Variants in DOCK8 observed in about 807,000 individuals in gnomAD.
The protein encoded by DOCK8 is dedicator of cytokinesis protein 8.
In DOCK8, 141 loss-of-function variants were observed where a neutral mutation model predicts 245.6. The observed-to-expected ratio is 0.57, with a 90% CI of 0.50 to 0.66. DOCK8 has a LOEUF of 0.66. DOCK8 is among the 30% of genes least tolerant of loss of function. DOCK8 has a pLI of 0.00. For synonymous variants in DOCK8, 1,168 were observed against 970.2 expected, an observed-to-expected ratio of 1.20 and a Z score of -3.79; for missense variants, 2,965 against 2,603.4, an observed-to-expected ratio of 1.14 and a Z score of -3.02.
intron 18 of DOCK8, 36 bp downstream of exon 18, chr9:372,322 C>G (rs759980385): frequency 1.3e-6 from 2 of 1,545,166 alleles, no homozygotes; most frequent in Non-Finnish European, 1.8e-6. Flanking sequence ...GTTTCTTGTC[C>G]AGCTGTAGTC....
intron 18 of DOCK8, among the ~76,000 whole-genome samples, chr9:374,536 A>ACTGTAAT (rs1426387078): frequency 1.5e-5 from 2 of 135,916 alleles, no homozygotes; most frequent in African/African-American, 2.8e-5. Context: ...ATCACAGCTC[A>ACTGTAAT]CTGTAATCTT....
chr9:222,395 A>G (rs891947831), intron 1 of DOCK8, among the ~76,000 whole-genome samples: 22 of 152,202 alleles, frequency 1.4e-4, no homozygotes, highest in African/African-American at 5.1e-4. Flanking sequence ...TTCTAACAGT[A>G]TAATTGGTCA....
intron 23 of DOCK8, 96 bp from the exon 24 acceptor site, chr9:390,375 G>A: frequency 8.9e-7 from 1 of 1,124,818 alleles, no homozygotes; most frequent in Non-Finnish European, 1.3e-6. Flanking sequence ...GAACGAACAA[G>A]CTATTAAATT....
intron 28 of DOCK8, among the ~76,000 whole-genome samples, chr9:407,755 G>C (rs186911660): frequency 2.6e-5 from 4 of 152,100 alleles, no homozygotes; most frequent in African/African-American, 9.7e-5. Flanking sequence ...TATTCATTCC[G>C]TTCAACAATT....
Position 287,681 on chromosome 9 carries a change from C to T in DOCK8, c.332+1045C>T, listed in dbSNP as rs546697737. 3.0e-4 allele frequency among the ~76,000 whole-genome samples: 46 copies of T among 152,314 alleles called. 2 individuals are homozygous for T. The highest frequency in any genetic ancestry group is 1.0e-3 in the African/African-American group (43 of 41,566). ...GTGTAGCTCTGATGTTTTAAAAATA[C>T]ACACTTCCCAGGAAAGAAAAACATT... On this transcript the variant is annotated intron_variant, in intron 3 of 47. Transcript: ENST00000432829.
rs746871988 is a variant in DOCK8 at position 292,551 on chromosome 9, A to G, written c.404+2970A>G. On this transcript the variant is annotated intron_variant, in intron 4 of 47. Transcript: ENST00000432829. ...TAGATTAGGCATCTTTCTTCTATATATTTCTTGGCCATTTTTTATTTTTCC... is the reference window on the plus strand; with the variant it reads ...TAGATTAGGCATCTTTCTTCTATATGTTTCTTGGCCATTTTTTATTTTTCC... Among the ~76,000 whole-genome samples the G allele has an allele frequency of 1.5e-4, 22 of 150,838 alleles. 1 individual carries two copies. The highest frequency in any genetic ancestry group is 4.6e-4 in the Admixed American group (7 of 15,150).
intron 1 of DOCK8, among the ~76,000 whole-genome samples, chr9:249,926 C>G (rs1419974763): frequency 6.6e-6 from 1 of 152,134 alleles, no homozygotes. Context: ...CTGCACCTGG[C>G]TGACGTGCTA....
chr9:389,136 G>A (rs1282094533), intron 23 of DOCK8, among the ~76,000 whole-genome samples: 2 of 152,192 alleles, frequency 1.3e-5, no homozygotes, highest in South Asian at 2.1e-4. Context: ...GCCCAGGACT[G>A]AGGGAGTCCC....
chr9:264,718 T>C (rs1372414699), intron 1 of DOCK8, among the ~76,000 whole-genome samples: 1 of 152,194 alleles, frequency 6.6e-6, no homozygotes, highest in Non-Finnish European at 1.5e-5. Flanking sequence ...TTGTACACTT[T>C]TAAAAGTGCA....
At chr9:231,141 C>T (rs2047107501) in intron 1 of DOCK8, among the ~76,000 whole-genome samples, 1 of 151,824 alleles carries the variant, frequency 6.6e-6, no homozygotes, top group Non-Finnish European at 1.5e-5. Context: ...TTTCCCAGCA[C>T]CATTTATTAA....
intron 1 of DOCK8, among the ~76,000 whole-genome samples, chr9:251,838 G>A (rs1378719125): frequency 1.3e-5 from 2 of 152,088 alleles, no homozygotes; most frequent in African/African-American, 4.8e-5. Flanking sequence ...GCTTTTCCAG[G>A]TTATAAGGAT....
intron 1 of DOCK8, among the ~76,000 whole-genome samples, chr9:220,251 G>C (rs1042323794): frequency 6.6e-6 from 1 of 152,162 alleles, no homozygotes; most frequent in Non-Finnish European, 1.5e-5. Flanking sequence ...TGTGCTTTAG[G>C]CATCTAGTGC....
chr9:241,598 C>G (rs1369599075), intron 1 of DOCK8, among the ~76,000 whole-genome samples: 1 of 152,174 alleles, frequency 6.6e-6, no homozygotes, highest in African/African-American at 2.4e-5. Flanking sequence ...GTGTATCTAT[C>G]CCACATTTTC....
Position 420,948 on chromosome 9 carries a change from G to C in DOCK8, c.4024-1G>C. Reference sequence around the variant, plus strand: ...TGTCCTCCTACCTCTGTCTTGTCCAGGGAAAACAGAGTTCTGACAAAGTCA... The same window carrying C: ...TGTCCTCCTACCTCTGTCTTGTCCACGGAAAACAGAGTTCTGACAAAGTCA... On this transcript the variant is annotated splice_acceptor_variant, in intron 31 of 47. Transcript: ENST00000432829. LOFTEE classifies it high-confidence loss of function. The C allele has an allele frequency of 1.2e-6, 2 of 1,614,192 alleles. No individual in the cohort carries two copies. The highest frequency in any genetic ancestry group is 1.7e-6 in the Non-Finnish European group (2 of 1,180,032).
At chr9:222,262 C>CAAA (rs112869628) in intron 1 of DOCK8, among the ~76,000 whole-genome samples, 112 of 147,496 alleles carry the variant, frequency 7.6e-4, no homozygotes, top group African/African-American at 2.7e-3. Context: ...AACCCTGTCT[C>CAAA]AAAAAAAAAA....
intron 24 of DOCK8, among the ~76,000 whole-genome samples, chr9:396,385 G>A (rs2054456835): frequency 6.6e-6 from 1 of 152,194 alleles, no homozygotes; most frequent in African/African-American, 2.4e-5. Context: ...TTCGCATCAA[G>A]AACCTTGTGA....
chr9:286,607 G>T lies in DOCK8; in HGVS notation c.303G>T (p.Arg101Ser). Residue 101 changes from arginine (R) to serine (S), a missense_variant, in exon 3 of 48, where the codon AGG becomes AGT. Arg to Ser is a moderately radical substitution (Grantham distance 110). This residue lies in a region of DOCK8 where 2,825 missense variants were observed against 2,453.5 expected (regional missense o/e 1.15). Coordinates refer to ENST00000432829, the MANE Select transcript of DOCK8 (RefSeq NM_203447.4). The part of the protein sequence containing the change: ...LDVVFTPKEC[R>S]TLQPSLPEEG... ...TGGTGTTCACGCCAAAGGAATGTAG[G>T]ACTTTGCAGCCCTCTTTGCCGGAGG... 1 of 1,613,952 alleles carries T rather than the reference G, an allele frequency of 6.2e-7. No homozygotes were observed. Among genetic ancestry groups the T allele is most frequent in the Non-Finnish European group, 8.5e-7 (1 of 1,179,886 alleles).
intron 1 of DOCK8, among the ~76,000 whole-genome samples, chr9:261,744 G>A (rs1351977832): frequency 6.6e-6 from 1 of 152,016 alleles, no homozygotes; most frequent in East Asian, 1.9e-4. Flanking sequence ...TACTTTTGCA[G>A]TTCTTGCTTT....
intron 1 of DOCK8, among the ~76,000 whole-genome samples, chr9:250,114 CATT>C (rs2047612651): frequency 6.6e-6 from 1 of 152,118 alleles, no homozygotes; most frequent in East Asian, 1.9e-4. Context: ...TTTAAGTTGT[CATT>C]ATGTCCTGGC....
Sources: allele counts gnomAD v4.1 joint callset (sites outside exome capture counted in the v4.1 genomes callset), GRCh38; gene constraint gnomAD v4.1.1; regional missense constraint gnomAD v4.1.1; transcripts MANE v1.5; gene names NCBI Gene and HGNC (gene_info 2026-07-23, HGNC 2026-07-21).